VSIG10L: variants seen among roughly 807,000 people sequenced by gnomAD.
VSIG10L encodes the protein V-set and immunoglobulin domain-containing protein 10-like.
A neutral mutation model predicts 67.3 loss-of-function variants in VSIG10L; 63 were observed. The observed-to-expected ratio is 0.94, with a 90% CI of 0.76 to 1.15. The LOEUF (loss-of-function observed/expected upper bound fraction) is 1.15, where lower values mean the gene tolerates loss of function less well. Among genes scored for constraint, VSIG10L ranks in the 50% most tolerant of loss-of-function variants. The pLI is 0.00. For missense variants in VSIG10L, 1,050 were observed against 1,177.5 expected (o/e 0.89, Z 1.58); for synonymous variants, 499 against 524.9 (o/e 0.95, Z 0.67).
intron 4 of VSIG10L, among the ~76,000 whole-genome samples, chr19:51,339,490 A>G (rs1985570621): frequency 6.6e-6 from 1 of 151,044 alleles, no homozygotes; most frequent in Non-Finnish European, 1.5e-5. Flanking sequence ...CTTTTCCCAG[A>G]TATCTCCGCC....
At position 51,334,180 on chromosome 19, in the gene VSIG10L, C is replaced by T. The variant is rs1393597177; in HGVS notation, c.2419+11G>A. On this transcript the variant is annotated intron_variant, in intron 8 of 9. Coordinates refer to ENST00000335624, the MANE Select transcript of VSIG10L (RefSeq NM_001163922.3). ...GGTCATGGTTGCCCCTTCCCCAGTC[C>T]CCTTGCTCACCACGAAAGCGGCACA... 4 of 1,551,610 alleles carry T rather than the reference C, an allele frequency of 2.6e-6. No homozygotes were observed. In the Admixed American group the frequency reaches 7.8e-5, roughly 30 times the overall value.
In VSIG10L at chr19:51,338,968, GC is replaced by G; in HGVS notation, c.1648del (p.Ala550ProfsTer138). The G allele has an allele frequency of 7.0e-7, 1 of 1,426,942 alleles. No individual in the cohort carries two copies. Among genetic ancestry groups the G allele is most frequent in the Non-Finnish European group, 9.2e-7 (1 of 1,084,818 alleles). The allele number at this position is 1,426,942 out of a possible 1,614,324, so 88.4% of individuals were successfully genotyped here. On this transcript the variant is annotated frameshift_variant, in exon 5 of 10. Coordinates refer to ENST00000335624, the MANE Select transcript of VSIG10L (RefSeq NM_001163922.3). LOFTEE classifies it high-confidence loss of function. Reference sequence around the variant, plus strand: ...GGGGACGCCGCTGAGCCGGGGGTGGGCGGGGACGGCCGCCAGCAGCACAGAG... The same window carrying G: ...GGGGACGCCGCTGAGCCGGGGGTGGGGGGGACGGCCGCCAGCAGCACAGAG... ...VSSVLLAAVP[A>X]HPRLSGVPIT...
At chr19:51,332,766 G>T in intron 9 of VSIG10L, 126 bp from the exon 10 acceptor site, 1 of 908,782 alleles carries the variant, frequency 1.1e-6, no homozygotes, top group Non-Finnish European at 1.6e-6. Flanking sequence ...CCCTCCATTT[G>T]GAGAGGGGAA....
chr19:51,338,957 G>A lies in VSIG10L; in HGVS notation c.1660C>T (p.Leu554Phe), dbSNP rs1158031432. The change falls in exon 5 of 10, where the codon CTC becomes TTC. Residue 554 changes from leucine (L) to phenylalanine (F), a missense_variant. Leu to Phe is a conservative substitution (Grantham distance 22). Coordinates refer to ENST00000335624, the MANE Select transcript of VSIG10L (RefSeq NM_001163922.3). ...LLAAVPAHPR[L>F]SGVPITCLAR... ...AGGCAGGTGATGGGGACGCCGCTGA[G>A]CCGGGGGTGGGCGGGGACGGCCGCC... is the stretch of plus-strand genomic sequence containing the variant. 7.0e-7 allele frequency: 1 copy of A among 1,427,042 alleles called. No homozygotes were observed. The highest frequency in any genetic ancestry group is 9.2e-7 in the Non-Finnish European group (1 of 1,083,066). The allele number at this position is 1,427,042 out of a possible 1,614,324, so 88.4% of individuals were successfully genotyped here.
At chr19:51,338,576 C>A (rs1046324195) in intron 5 of VSIG10L, among the ~76,000 whole-genome samples, 1 of 152,186 alleles carries the variant, frequency 6.6e-6, no homozygotes, top group Non-Finnish European at 1.5e-5. Flanking sequence ...AATCCTCCCG[C>A]CCCCAGCTAC....
Position 51,334,190 on chromosome 19 carries a change from C to G in VSIG10L, c.2419+1G>C, listed in dbSNP as rs1227015902. 1.3e-6 allele frequency: 2 copies of G among 1,551,808 alleles called. No individual in the cohort carries two copies. Among genetic ancestry groups the G allele is most frequent in the Non-Finnish European group, 1.7e-6 (2 of 1,146,974 alleles). ...GCCCCTTCCCCAGTCCCCTTGCTCA[C>G]CACGAAAGCGGCACAGGCAGCAGAT... On this transcript the variant is annotated splice_donor_variant, in intron 8 of 9. Coordinates refer to ENST00000335624, the MANE Select transcript of VSIG10L (RefSeq NM_001163922.3). LOFTEE classifies it high-confidence loss of function.
In VSIG10L at chr19:51,340,561, G is replaced by T; in HGVS notation, c.1061C>A (p.Pro354His). 3 of 1,535,784 alleles carry T rather than the reference G, an allele frequency of 2.0e-6. No homozygotes were observed. Among genetic ancestry groups the T allele is most frequent in the African/African-American group, 1.4e-5 (1 of 73,106 alleles). Reference sequence around the variant, plus strand: ...CTGGTCGCCCTCTGAGCGCATCCGGGGCGTCTCGGCTCCCTCCGATTCCGC... The same window carrying T: ...CTGGTCGCCCTCTGAGCGCATCCGGTGCGTCTCGGCTCCCTCCGATTCCGC... The part of the protein sequence containing the change: ...EAAESEGAET[P>H]RMRSEGDQLL... The change falls in exon 3 of 10, where the codon CCC (proline) becomes CAC (histidine). Residue 354 changes from proline to histidine, a missense_variant. Transcript: ENST00000335624. The surrounding 1 kb of genome is among the most constrained non-coding windows in gnomAD (Gnocchi z 6.3).
At chr19:51,332,835 TA>T (rs1985391071) in intron 9 of VSIG10L, among the ~76,000 whole-genome samples, 195 bp from the exon 10 acceptor site, 1 of 151,694 alleles carries the variant, frequency 6.6e-6, no homozygotes, top group South Asian at 2.1e-4. Context: ...ACCCAGTTGT[TA>T]TTTTTTATTT....
At chr19:51,339,980 C>T (rs965896915) in intron 4 of VSIG10L, 35 bp downstream of exon 4, 1 of 1,344,600 alleles carries the variant, frequency 7.4e-7, no homozygotes, top group South Asian at 1.7e-5. Flanking sequence ...CGCCCCTCTC[C>T]CAGGCATTCC....
intron 9 of VSIG10L, among the ~76,000 whole-genome samples, 171 bp downstream of exon 9, chr19:51,333,620 G>A (rs1985408456): frequency 6.6e-6 from 1 of 152,092 alleles, no homozygotes; most frequent in Non-Finnish European, 1.5e-5. Flanking sequence ...ATCAAAGTTG[G>A]GCGGGAAGCT....
Position 51,341,506 on chromosome 19 carries a change from A to G in VSIG10L, c.542T>C (p.Phe181Ser). The part of the protein sequence containing the change: ...KLSAQSPESK[F>S]SAETHSAASF... ...TGCAGCTGAGTGGGTCTCTGCAGAAAATTTGGATTCAGGGCTCTGGGCAGA... is the reference window on the plus strand; with the variant it reads ...TGCAGCTGAGTGGGTCTCTGCAGAAGATTTGGATTCAGGGCTCTGGGCAGA... Residue 181 changes from phenylalanine (F) to serine (S), a missense_variant, in exon 2 of 10, where the codon TTT (phenylalanine) becomes TCT (serine). By Grantham distance (155) the Phe-to-Ser change is radical. Coordinates refer to ENST00000335624, the MANE Select transcript of VSIG10L (RefSeq NM_001163922.3). 6.4e-7 allele frequency: 1 copy of G among 1,550,886 alleles called. No individual in the cohort carries two copies. Among genetic ancestry groups the G allele is most frequent in the Non-Finnish European group, 8.7e-7 (1 of 1,146,756 alleles).
Position 51,340,693 on chromosome 19 carries a change from G to T in VSIG10L, c.929C>A (p.Ala310Asp). The part of the protein sequence containing the change: ...PLPQLSVQPK[A>D]PETEEGAAEL... Reference sequence around the variant, plus strand: ...GGCCGCCCCCTCCTCTGTCTCTGGAGCCTTGGGCTGAACCGACAGCTGGGG... The same window carrying T: ...GGCCGCCCCCTCCTCTGTCTCTGGATCCTTGGGCTGAACCGACAGCTGGGG... The change falls in exon 3 of 10, where the codon GCT becomes GAT. Residue 310 changes from alanine to aspartate, a missense_variant. This residue lies in a region of VSIG10L where 511 missense variants were observed against 557.9 expected (regional missense o/e 0.92). Coordinates refer to ENST00000335624, the MANE Select transcript of VSIG10L (RefSeq NM_001163922.3). This position sits in a 1 kb window ranked among gnomAD's most constrained non-coding sequence, Gnocchi z 6.3. 6.6e-7 allele frequency: 1 copy of T among 1,519,044 alleles called. No individual in the cohort carries two copies. The highest frequency in any genetic ancestry group is 1.2e-5 in the South Asian group (1 of 82,430). 94.1% of individuals were successfully genotyped at this position (1,519,044 alleles called of 1,614,324 possible).
intron 7 of VSIG10L, among the ~76,000 whole-genome samples, chr19:51,335,518 C>T (rs146475775): frequency 1.4e-3 from 209 of 152,244 alleles, no homozygotes; most frequent in African/African-American, 4.7e-3. Context: ...TAAGTGGTGA[C>T]ATTTATGAGG....
At chr19:51,335,895 G>C (rs1985467256) in intron 7 of VSIG10L, among the ~76,000 whole-genome samples, 1 of 151,902 alleles carries the variant, frequency 6.6e-6, no homozygotes, top group Non-Finnish European at 1.5e-5. Context: ...CTGGGTGACA[G>C]AGCAACACTC....
At position 51,340,014 on chromosome 19, in the gene VSIG10L, C is replaced by A; in HGVS notation, c.1474+1G>T. ...CCCCTACTCCCGCTCCAGCCTCTCA[C>A]CCGCCACTGTAAGGTTGAGCAGCGA... is the stretch of plus-strand genomic sequence containing the variant. On this transcript the variant is annotated splice_donor_variant, in intron 4 of 9. Coordinates refer to ENST00000335624, the MANE Select transcript of VSIG10L (RefSeq NM_001163922.3). LOFTEE classifies it high-confidence loss of function. This position sits in a 1 kb window ranked among gnomAD's most constrained non-coding sequence, Gnocchi z 6.3. 7.1e-7 allele frequency: 1 copy of A among 1,413,364 alleles called. No individual in the cohort carries two copies. Among genetic ancestry groups the A allele is most frequent in the Admixed American group, 2.9e-5 (1 of 34,222 alleles). 87.6% of individuals were successfully genotyped at this position (1,413,364 alleles called of 1,614,324 possible).
At chr19:51,341,054 T>C in intron 2 of VSIG10L, 99 bp downstream of exon 2, 25 of 1,412,522 alleles carry the variant, frequency 1.8e-5, no homozygotes, top group Non-Finnish European at 2.3e-5. Flanking sequence ...GAAGTCCTCT[T>C]CTCCTATCCA....
chr19:51,335,394 G>A (rs12463376), intron 7 of VSIG10L, among the ~76,000 whole-genome samples: 78,309 of 151,962 alleles, frequency 0.52, 20,908 homozygotes, highest in South Asian at 0.71. Context: ...TTGCAGTCCA[G>A]GCAAGAGAGG....
intron 4 of VSIG10L, chr19:51,339,543 G>A (rs1985571988): frequency 4.4e-6 from 1 of 229,200 alleles, no homozygotes; most frequent in Non-Finnish European, 8.4e-6. Context: ...AATTCTGCCC[G>A]CTTTCTAAAT....
Position 51,333,778 on chromosome 19 carries a change from C to CA in VSIG10L, c.2574+12dup. 2 of 1,529,870 alleles carry CA rather than the reference C, an allele frequency of 1.3e-6. No homozygotes were observed. 94.8% of individuals were successfully genotyped at this position (1,529,870 alleles called of 1,614,324 possible). A position where few individuals can be genotyped will look rare whatever the true frequency, so the allele number is the denominator to read the frequency against. On this transcript the variant is annotated intron_variant, in intron 9 of 9. Transcript: ENST00000335624. ...CCCCGATTCCAGGAGGAAATGAGGGCACCCACACTCACTTGGTAGGCCCTA... is the reference window on the plus strand; with the variant it reads ...CCCCGATTCCAGGAGGAAATGAGGGCAACCCACACTCACTTGGTAGGCCCTA...
Sources: gnomAD v4.1 joint callset for allele counts (sites outside exome capture counted in the v4.1 genomes callset) on GRCh38, gnomAD v4.1.1 for gene constraint, gnomAD v4.1.1 regional missense constraint, Gnocchi (gnomAD v3.1) non-coding constraint, MANE v1.5 for transcripts, NCBI Gene and HGNC (gene_info 2026-07-23, HGNC 2026-07-21) for gene names.